TMPRSS15: variants seen among roughly 807,000 people sequenced by gnomAD.
TMPRSS15 encodes transmembrane serine protease 15, also known as enteropeptidase.
In TMPRSS15, 128 loss-of-function variants were observed where a neutral mutation model predicts 125.3. The observed-to-expected ratio is 1.02, with a 90% CI of 0.89 to 1.18. The LOEUF (loss-of-function observed/expected upper bound fraction) is 1.18, where lower values mean the gene tolerates loss of function less well. TMPRSS15 is among the 50% of genes most tolerant of loss of function. The probability of loss-of-function intolerance (pLI) is 0.00; values close to 1 mark genes in which losing one functional copy is unlikely to be tolerated. For missense variants in TMPRSS15, 1,283 were observed against 1,212.7 expected (o/e 1.06, Z -0.86); for synonymous variants, 446 against 423.2 (o/e 1.05, Z -0.66).
At position 18,313,009 on chromosome 21, in the gene TMPRSS15, T is replaced by C. The variant is rs149384708; in HGVS notation, c.2101A>G (p.Thr701Ala). Residue 701 changes from threonine (T) to alanine (A), a missense_variant, in exon 18 of 25, where the codon ACA becomes GCA. Physicochemically the swap from Thr to Ala is moderately conservative, Grantham distance 58. Transcript: ENST00000284885. The part of the protein sequence containing the change: ...VRFRIQSIWH[T>A]ACAENWTTQI... ...GTGGTCCAGTTCTCAGCACAAGCTG[T>C]ATGCCATATGCTCTGGATTCTGAAC... is the stretch of plus-strand genomic sequence containing the variant. 1.2e-6 allele frequency: 2 copies of C among 1,614,098 alleles called. No individual in the cohort carries two copies. The highest frequency in any genetic ancestry group is 1.7e-6 in the Non-Finnish European group (2 of 1,179,970).
chr21:18,397,135 T>C (rs905136957), intron 3 of TMPRSS15, among the ~76,000 whole-genome samples: 23 of 152,110 alleles, frequency 1.5e-4, no homozygotes, highest in Admixed American at 3.3e-4. Flanking sequence ...ATATTACATG[T>C]ATTTTTAACT....
In TMPRSS15 at chr21:18,359,777, C is replaced by A; in HGVS notation, c.860G>T (p.Gly287Val). Reference sequence around the variant, plus strand: ...CTTACCTCTTAAAATCTTGCTTGATCCTACACCTTCATAAATATCTAATAT... The same window carrying A: ...CTTACCTCTTAAAATCTTGCTTGATACTACACCTTCATAAATATCTAATAT... Reference protein sequence around the residue: ...TDILDIYEGVGSSKILRASIW... With the variant: ...TDILDIYEGVVSSKILRASIW... The change falls in exon 8 of 25, where the codon GGA (glycine) becomes GTA (valine). Residue 287 changes from glycine to valine, a missense_variant. Transcript: ENST00000284885. The A allele has an allele frequency of 6.9e-7, 1 of 1,444,894 alleles. No homozygotes were observed. The highest frequency in any genetic ancestry group is 9.7e-7 in the Non-Finnish European group (1 of 1,029,386). The allele number at this position is 1,444,894 out of a possible 1,614,324, so 89.5% of individuals were successfully genotyped here.
intron 8 of TMPRSS15, among the ~76,000 whole-genome samples, chr21:18,357,288 A>G (rs1320593604): frequency 6.6e-6 from 1 of 151,750 alleles, no homozygotes; most frequent in Admixed American, 6.6e-5. Flanking sequence ...ATTTACTTCA[A>G]TTTTCATAAT....
chr21:18,406,309 C>A (rs2123158064), upstream of TMPRSS15, among the ~76,000 whole-genome samples: 1 of 152,270 alleles, frequency 6.6e-6, no homozygotes, highest in Admixed American at 6.5e-5. Context: ...TTGAGGTTAG[C>A]TTCTGGGACG....
chr21:18,411,365 C>G (rs1183302741), intron 1 of TMPRSS15, among the ~76,000 whole-genome samples: 2 of 151,158 alleles, frequency 1.3e-5, no homozygotes, highest in African/African-American at 4.9e-5. Flanking sequence ...CTTCAGTTTT[C>G]TACTTTAGAG....
intron 15 of TMPRSS15, among the ~76,000 whole-genome samples, chr21:18,328,373 A>T (rs1274906428): frequency 6.6e-6 from 1 of 152,234 alleles, no homozygotes; most frequent in East Asian, 1.9e-4. Context: ...AGTAAAACTC[A>T]TTAAAAATTT....
At chr21:18,455,143 C>G (rs1978414716) in intron 1 of TMPRSS15, among the ~76,000 whole-genome samples, 1 of 152,080 alleles carries the variant, frequency 6.6e-6, no homozygotes, top group Non-Finnish European at 1.5e-5. Flanking sequence ...GAAGAAGGAC[C>G]TGTTTGCTTC....
intron 1 of TMPRSS15, among the ~76,000 whole-genome samples, chr21:18,408,980 C>T (rs2076159117): frequency 6.6e-6 from 1 of 151,970 alleles, no homozygotes; most frequent in South Asian, 2.1e-4. Flanking sequence ...CATCATCAGT[C>T]AGCTTGTTTT....
rs1036805136 is a variant in TMPRSS15 at position 18,269,997 on chromosome 21, G to A, written c.3032C>T (p.Thr1011Ile). The change falls in exon 25 of 25, where the codon ACC becomes ATC. Residue 1011 changes from threonine to isoleucine, a missense_variant. Physicochemically the swap from Thr to Ile is moderately conservative, Grantham distance 89. Coordinates refer to ENST00000284885, the MANE Select transcript of TMPRSS15 (RefSeq NM_002772.3). The part of the protein sequence containing the change: ...PGVYARVSRF[T>I]EWIQSFLH ...ATGTAGAAAACTTTGTATCCATTCG[G>A]TAAACCTTGAGACCCTGGCATACAC... is the stretch of plus-strand genomic sequence containing the variant. 3.1e-6 allele frequency: 5 copies of A among 1,613,772 alleles called. No homozygotes were observed. The East Asian group carries it at 8.9e-5, about 29-fold the overall frequency.
Position 18,270,062 on chromosome 21 carries a change from G to C in TMPRSS15, c.2967C>G (p.Thr989=). 6.2e-7 allele frequency: 1 copy of C among 1,613,900 alleles called. No individual in the cohort carries two copies. The change falls in exon 25 of 25, where the codon ACC becomes ACG. Residue 989 remains threonine, a synonymous_variant. Coordinates refer to ENST00000284885, the MANE Select transcript of TMPRSS15 (RefSeq NM_002772.3). The part of the protein sequence containing the change: ...ENNRWFLAGV[T]SFGYKCALPN... ...GCAGGGCACACTTGTATCCAAATGA[G>C]GTCACACCAGCAAGGAACCACCTGT...
chr21:18,351,571 T>C (rs977049041), intron 10 of TMPRSS15, among the ~76,000 whole-genome samples: 1 of 152,180 alleles, frequency 6.6e-6, no homozygotes, highest in Non-Finnish European at 1.5e-5. Context: ...TCACTGTCTC[T>C]TGCCTGCAGC....
intron 10 of TMPRSS15, among the ~76,000 whole-genome samples, chr21:18,346,404 C>T (rs187216897): frequency 5.3e-5 from 8 of 152,216 alleles, no homozygotes; most frequent in East Asian, 1.9e-4. Flanking sequence ...TAAGCTTATA[C>T]GCACCTATTA....
intron 1 of TMPRSS15, among the ~76,000 whole-genome samples, chr21:18,470,755 T>C (rs756280900): frequency 1.8e-4 from 27 of 151,942 alleles, no homozygotes; most frequent in African/African-American, 5.8e-4. Flanking sequence ...AAATGGGAGA[T>C]AGAGAAGGCA....
intron 7 of TMPRSS15, among the ~76,000 whole-genome samples, chr21:18,363,458 T>A (rs1016864870): frequency 2.6e-5 from 4 of 152,170 alleles, no homozygotes; most frequent in African/African-American, 7.2e-5. Context: ...ATGTGACCTG[T>A]CTTTATTAAG....
chr21:18,330,774 T>C lies in TMPRSS15; in HGVS notation c.1654+1310A>G, dbSNP rs1323645148. ...AGATTATCACTTTGTTCAAATGATG[T>C]TTAAAAGATGTCTTCAGGCCGGGCA... On this transcript the variant is annotated intron_variant, in intron 14 of 24. Transcript: ENST00000284885. Among the ~76,000 whole-genome samples, 5 of 152,140 alleles carry C rather than the reference T, an allele frequency of 3.3e-5. No individual in the cohort carries two copies. The East Asian group carries it at 9.6e-4, about 29-fold the overall frequency.
chr21:18,361,061 A>C (rs1182168508), intron 7 of TMPRSS15, among the ~76,000 whole-genome samples: 4 of 152,178 alleles, frequency 2.6e-5, no homozygotes, highest in African/African-American at 9.7e-5. Flanking sequence ...AAACTAGTGC[A>C]TGCTATTGAT....
chr21:18,383,040 T>C (rs1464544251), intron 4 of TMPRSS15, among the ~76,000 whole-genome samples: 1 of 152,194 alleles, frequency 6.6e-6, no homozygotes, highest in East Asian at 1.9e-4. Context: ...TTTCTTCTTT[T>C]TTTAGCTCCT....
intron 1 of TMPRSS15, among the ~76,000 whole-genome samples, chr21:18,434,414 T>A (rs888240560): frequency 2.0e-5 from 3 of 152,148 alleles, no homozygotes; most frequent in Non-Finnish European, 2.9e-5. Flanking sequence ...AAATATTCCA[T>A]TTTTTGTGTC....
At chr21:18,369,974 G>GAAAA (rs67549160) in intron 6 of TMPRSS15, among the ~76,000 whole-genome samples, 464 of 141,154 alleles carry the variant, frequency 3.3e-3, no homozygotes, top group Non-Finnish European at 4.4e-3. Context: ...TTACTTAAAC[G>GAAAA]AAAAAAAAAA....
Sources: allele counts gnomAD v4.1 joint callset (sites outside exome capture counted in the v4.1 genomes callset), GRCh38; gene constraint gnomAD v4.1.1; transcripts MANE v1.5; gene names NCBI Gene and HGNC (gene_info 2026-07-23, HGNC 2026-07-21).